The following NKAIN3 variants were observed in gnomAD, a reference collection of about 807,000 sequenced individuals.
NKAIN3 encodes sodium/potassium-transporting ATPase subunit beta-1-interacting protein 3.
A neutral mutation model predicts 30.2 loss-of-function variants in NKAIN3; 25 were observed. The observed-to-expected ratio is 0.83, with a 90% CI of 0.60 to 1.16. The LOEUF is 1.16. Among genes scored for constraint, NKAIN3 ranks in the 50% most tolerant of loss-of-function variants. The pLI, the probability that NKAIN3 is intolerant of heterozygous loss-of-function variation, is 0.00. For missense variants in NKAIN3, 225 were observed against 254.1 expected (o/e 0.89, Z 0.78); for synonymous variants, 91 against 89.6 (o/e 1.02, Z -0.09).
intron 3 of NKAIN3, among the ~76,000 whole-genome samples, chr8:62,727,528 C>T (rs1303415299): frequency 1.3e-5 from 2 of 152,070 alleles, no homozygotes; most frequent in South Asian, 2.1e-4. Context: ...TATATAAAAG[C>T]TAATCACTTT....
At chr8:62,631,836 T>C (rs1315043578) in intron 3 of NKAIN3, among the ~76,000 whole-genome samples, 1 of 152,212 alleles carries the variant, frequency 6.6e-6, no homozygotes, top group South Asian at 2.1e-4. Flanking sequence ...TCTTAATATC[T>C]GTGCATTAGC....
intron 1 of NKAIN3, among the ~76,000 whole-genome samples, chr8:62,313,736 A>T (rs1814524287): frequency 6.6e-6 from 1 of 152,184 alleles, no homozygotes; most frequent in African/African-American, 2.4e-5. Flanking sequence ...AAACTGTGTT[A>T]TAAGAATTTC....
intron 1 of NKAIN3, among the ~76,000 whole-genome samples, chr8:62,528,326 T>A (rs7845973): frequency 2.9e-5 from 1 of 35,008 alleles, no homozygotes; most frequent in Non-Finnish European, 5.8e-5. Context: ...TATTATATAA[T>A]ATATATATTA....
Position 62,610,127 on chromosome 8 carries a change from C to T in NKAIN3, c.273+20333C>T, listed in dbSNP as rs182120234. On this transcript the variant is annotated intron_variant, in intron 3 of 6. Coordinates refer to ENST00000623646, the MANE Select transcript of NKAIN3 (RefSeq NM_001304533.3). Reference sequence around the variant, plus strand: ...TTGGGAGGCCGAGGCAGGTGGATCACCTGAGGTCAGGAGTTCGAGACCAGC... The same window carrying T: ...TTGGGAGGCCGAGGCAGGTGGATCATCTGAGGTCAGGAGTTCGAGACCAGC... Among the ~76,000 whole-genome samples, 923 of 152,032 alleles carry T rather than the reference C, an allele frequency of 6.1e-3. 10 individuals carry two copies. The highest frequency in any genetic ancestry group is 0.021 in the African/African-American group (872 of 41,488).
At chr8:62,314,580 A>G (rs527930994) in intron 1 of NKAIN3, among the ~76,000 whole-genome samples, 1 of 152,230 alleles carries the variant, frequency 6.6e-6, no homozygotes, top group East Asian at 1.9e-4. Flanking sequence ...CCTGGCTCCA[A>G]TTTGAGTGTT....
At chr8:62,813,220 C>G (rs1818549608) in intron 4 of NKAIN3, among the ~76,000 whole-genome samples, 1 of 151,888 alleles carries the variant, frequency 6.6e-6, no homozygotes, top group African/African-American at 2.4e-5. Flanking sequence ...TGTTTTTATA[C>G]CAGTATCATG....
intron 1 of NKAIN3, among the ~76,000 whole-genome samples, chr8:62,273,067 G>T: frequency 6.6e-6 from 1 of 152,150 alleles, no homozygotes; most frequent in East Asian, 1.9e-4. Context: ...AATCACTGGG[G>T]TGGTTGTGTT....
At chr8:62,957,222 C>G (rs1823442677) in intron 6 of NKAIN3, among the ~76,000 whole-genome samples, 1 of 152,096 alleles carries the variant, frequency 6.6e-6, no homozygotes, top group Non-Finnish European at 1.5e-5. Context: ...CAAGCTCCGC[C>G]TCCTGAGTTC....
At chr8:62,630,725 A>C (rs1422605368) in intron 3 of NKAIN3, among the ~76,000 whole-genome samples, 3 of 152,234 alleles carry the variant, frequency 2.0e-5, no homozygotes, top group Admixed American at 2.0e-4. Context: ...AAATGCTATC[A>C]GTTGTGAACT....
rs189618061 is a variant in NKAIN3, at chr8:62,253,841, G to A, written c.54+4714G>A. Among the ~76,000 whole-genome samples, 6 of 152,232 alleles carry A rather than the reference G, an allele frequency of 3.9e-5. No homozygotes were observed. In the South Asian group the frequency reaches 1.0e-3, roughly 26 times the overall value. On this transcript the variant is annotated intron_variant, in intron 1 of 6. Coordinates refer to ENST00000623646, the MANE Select transcript of NKAIN3 (RefSeq NM_001304533.3). ...TCACCTGTCGTAGATATTGGACAGC[G>A]AATGCTGAAATATATTTCTTTTACT...
chr8:62,774,240 T>C (rs1817109113), intron 4 of NKAIN3, among the ~76,000 whole-genome samples: 1 of 152,228 alleles, frequency 6.6e-6, no homozygotes, highest in Non-Finnish European at 1.5e-5. Flanking sequence ...GCTACTGATT[T>C]TTGTATGTTG....
chr8:62,869,405 T>C (rs1354539447), intron 4 of NKAIN3, among the ~76,000 whole-genome samples: 4 of 152,212 alleles, frequency 2.6e-5, no homozygotes, highest in African/African-American at 9.6e-5. Flanking sequence ...AACTCTCACT[T>C]ATGAGTGAGA....
intron 5 of NKAIN3, among the ~76,000 whole-genome samples, chr8:62,934,214 C>A (rs724357): frequency 0.31 from 46,557 of 151,654 alleles, 7,743 homozygotes; most frequent in East Asian, 0.6. Flanking sequence ...GTGAGACCTT[C>A]TCTCTAAAAA....
At chr8:62,611,184 A>G (rs369665259) in intron 3 of NKAIN3, among the ~76,000 whole-genome samples, 1 of 152,126 alleles carries the variant, frequency 6.6e-6, no homozygotes, top group East Asian at 1.9e-4. Flanking sequence ...AAAAAATGTT[A>G]TGGGTATATA....
At chr8:62,665,102 C>T (rs186940179) in intron 3 of NKAIN3, among the ~76,000 whole-genome samples, 58 of 152,264 alleles carry the variant, frequency 3.8e-4, no homozygotes, top group Non-Finnish European at 7.4e-4. Context: ...AGCTCTACCC[C>T]AAAACTGAGT....
At chr8:62,537,421 A>C (rs567713231) in intron 1 of NKAIN3, among the ~76,000 whole-genome samples, 9 of 152,276 alleles carry the variant, frequency 5.9e-5, no homozygotes, top group Non-Finnish European at 8.8e-5. Context: ...GGGGGCTGGA[A>C]GAGGAAGCCA....
intron 1 of NKAIN3, among the ~76,000 whole-genome samples, chr8:62,465,480 G>A (rs1901412): frequency 0.55 from 84,371 of 152,032 alleles, 23,775 homozygotes; most frequent in Non-Finnish European, 0.6. Context: ...GTATTTTCCC[G>A]TCCATTCAGA....
chr8:62,634,571 A>G (rs1812067234), intron 3 of NKAIN3, among the ~76,000 whole-genome samples: 1 of 152,178 alleles, frequency 6.6e-6, no homozygotes, highest in African/African-American at 2.4e-5. Flanking sequence ...AATTACATAG[A>G]CAACTGTTAT....
intron 3 of NKAIN3, among the ~76,000 whole-genome samples, chr8:62,601,491 T>C (rs1191409318): frequency 1.3e-5 from 2 of 152,082 alleles, no homozygotes; most frequent in South Asian, 2.1e-4. Flanking sequence ...TCTATCTATA[T>C]CAATGGACAC....
Sources: allele counts gnomAD v4.1 joint callset (sites outside exome capture counted in the v4.1 genomes callset), GRCh38; gene constraint gnomAD v4.1.1; transcripts MANE v1.5; gene names NCBI Gene and HGNC (gene_info 2026-07-23, HGNC 2026-07-21).